ALKAL1: variants seen among roughly 807,000 people sequenced by gnomAD.
ALKAL1 encodes the protein AUG-beta.
A neutral mutation model predicts 13.5 loss-of-function variants in ALKAL1; 23 were observed. The observed-to-expected ratio is 1.70, with a 90% CI of 1.23 to 2.41. The LOEUF is 2.41. Ranked by LOEUF, ALKAL1 falls within the 30% of genes most tolerant of loss-of-function variation. The probability of loss-of-function intolerance (pLI) is 0.00; values close to 1 mark genes in which losing one functional copy is unlikely to be tolerated. For synonymous variants in ALKAL1, 85 were observed against 77.7 expected, an observed-to-expected ratio of 1.09 and a Z score of -0.49; for missense variants, 181 against 178.4, an observed-to-expected ratio of 1.01 and a Z score of -0.08.
intron 1 of ALKAL1, among the ~76,000 whole-genome samples, chr8:52,552,001 C>A (rs1196646685): frequency 1.3e-5 from 2 of 152,276 alleles, no homozygotes; most frequent in African/African-American, 4.8e-5. Flanking sequence ...TACATTCTTA[C>A]TCACTAAAGT....
At chr8:52,552,721 G>T (rs1040796641) in intron 1 of ALKAL1, among the ~76,000 whole-genome samples, 2 of 152,126 alleles carry the variant, frequency 1.3e-5, no homozygotes, top group Non-Finnish European at 2.9e-5. Context: ...CTTTGATTCT[G>T]TCATTAGTAA....
At chr8:52,536,175 G>A (rs1259638477) in intron 4 of ALKAL1, among the ~76,000 whole-genome samples, 3 of 152,178 alleles carry the variant, frequency 2.0e-5, no homozygotes, top group South Asian at 2.1e-4. Context: ...CTGACTTCAA[G>A]TGATCCACCC....
chr8:52,556,646 C>CAAAAAAAAAA (rs59483863), intron 1 of ALKAL1, among the ~76,000 whole-genome samples: 4 of 51,372 alleles, frequency 7.8e-5, no homozygotes, highest in Non-Finnish European at 1.4e-4. Context: ...AACTCTGTCT[C>CAAAAAAAAAA]AAAAAAAAAA....
chr8:52,547,361 G>A (rs754605180), intron 1 of ALKAL1, among the ~76,000 whole-genome samples: 22 of 152,150 alleles, frequency 1.4e-4, no homozygotes, highest in Non-Finnish European at 2.8e-4. Flanking sequence ...TTAGCCTAGC[G>A]TGGTAGCGTG....
rs190901983 is a variant in ALKAL1, at chr8:52,561,132, T to A, written c.190+3935A>T. ...CAGGTGATATGCAAAGCAGCAAAAATTTTTTATTATTTATGTGAAATAAAT... is the reference window on the plus strand; with the variant it reads ...CAGGTGATATGCAAAGCAGCAAAAAATTTTTATTATTTATGTGAAATAAAT... On this transcript the variant is annotated intron_variant, in intron 1 of 4. Transcript: ENST00000358543. Among the ~76,000 whole-genome samples, 883 of 152,156 alleles carry A rather than the reference T, an allele frequency of 5.8e-3. 10 individuals carry two copies. Among genetic ancestry groups the A allele is most frequent in the Middle Eastern group, 0.024 (7 of 294 alleles).
At chr8:52,552,705 G>A (rs1264044999) in intron 1 of ALKAL1, among the ~76,000 whole-genome samples, 1 of 152,190 alleles carries the variant, frequency 6.6e-6, no homozygotes, top group Non-Finnish European at 1.5e-5. Flanking sequence ...CTTGGCTCCT[G>A]TGTTCCTTTG....
intron 1 of ALKAL1, among the ~76,000 whole-genome samples, chr8:52,546,338 T>C (rs1461906148): frequency 6.6e-6 from 1 of 152,238 alleles, no homozygotes; most frequent in East Asian, 1.9e-4. Flanking sequence ...AACTGAGTAG[T>C]TGTTGCACAG....
At chr8:52,554,752 T>C (rs1173334829) in intron 1 of ALKAL1, among the ~76,000 whole-genome samples, 1 of 151,972 alleles carries the variant, frequency 6.6e-6, no homozygotes, top group Non-Finnish European at 1.5e-5. Flanking sequence ...GAAGAGATGT[T>C]TGGAGAGAGA....
Position 52,565,318 on chromosome 8 carries a change from G to C in ALKAL1, c.-62C>G. The C allele has an allele frequency of 8.1e-7, 1 of 1,232,468 alleles. No homozygotes were observed. The highest frequency in any genetic ancestry group is 1.6e-5 in the African/African-American group (1 of 63,854). 76.3% of individuals were successfully genotyped at this position (1,232,468 alleles called of 1,614,324 possible). A position where few individuals can be genotyped will look rare whatever the true frequency, so the allele number is the denominator to read the frequency against. On this transcript the variant is annotated 5_prime_UTR_variant, in exon 1 of 5. Transcript: ENST00000358543. ...GAGGATCCCGACGCAGGTCCGGAGG[G>C]TGCGCGGCCCAAGAGAAGGCCAGCG...
intron 1 of ALKAL1, among the ~76,000 whole-genome samples, chr8:52,562,489 T>C (rs930357248): frequency 6.6e-6 from 1 of 152,026 alleles, no homozygotes. Flanking sequence ...GGACGGTGAA[T>C]CAGGAGTGTT....
intron 1 of ALKAL1, among the ~76,000 whole-genome samples, chr8:52,544,307 T>C (rs1351331472): frequency 1.3e-5 from 2 of 151,678 alleles, no homozygotes; most frequent in African/African-American, 2.4e-5. Context: ...GTACAACAGA[T>C]TGATTTAGCT....
chr8:52,539,760 T>C (rs1847294705), intron 3 of ALKAL1, 71 bp downstream of exon 3: 3 of 1,155,978 alleles, frequency 2.6e-6, no homozygotes, highest in Non-Finnish European at 2.5e-6. Flanking sequence ...CCCACAGACA[T>C]TTGAAGTTTA....
intron 1 of ALKAL1, among the ~76,000 whole-genome samples, chr8:52,560,271 T>C (rs1314323392): frequency 1.3e-5 from 2 of 152,210 alleles, no homozygotes; most frequent in South Asian, 4.1e-4. Flanking sequence ...CTTTCACGTA[T>C]GATATAAATA....
intron 4 of ALKAL1, among the ~76,000 whole-genome samples, chr8:52,537,469 C>T (rs1847275227): frequency 6.6e-6 from 1 of 152,152 alleles, no homozygotes; most frequent in Admixed American, 6.5e-5. Flanking sequence ...AATCCCACTA[C>T]TGGGTATTTA....
At chr8:52,545,472 C>T (rs1251292366) in intron 1 of ALKAL1, among the ~76,000 whole-genome samples, 1 of 152,220 alleles carries the variant, frequency 6.6e-6, no homozygotes, top group Middle Eastern at 3.4e-3. Context: ...TGTCTCTTAT[C>T]TACTTTTGAC....
intron 4 of ALKAL1, among the ~76,000 whole-genome samples, chr8:52,534,939 A>C (rs1170657940): frequency 6.6e-6 from 1 of 152,224 alleles, no homozygotes; most frequent in South Asian, 2.1e-4. Flanking sequence ...AATAATTCAA[A>C]ACAGATACTA....
intron 1 of ALKAL1, among the ~76,000 whole-genome samples, chr8:52,543,915 A>G (rs1055155699): frequency 1.3e-5 from 2 of 152,218 alleles, no homozygotes; most frequent in Non-Finnish European, 2.9e-5. Context: ...CCCTGTGACA[A>G]TGATGACACT....
chr8:52,565,025 C>T, intron 1 of ALKAL1, 42 bp downstream of exon 1: 1 of 1,323,310 alleles, frequency 7.6e-7, no homozygotes, highest in Non-Finnish European at 9.7e-7. Flanking sequence ...CACGGAGCCC[C>T]AGGCGCAGGG....
intron 1 of ALKAL1, among the ~76,000 whole-genome samples, chr8:52,553,920 TC>T: frequency 6.6e-6 from 1 of 152,126 alleles, no homozygotes; most frequent in Non-Finnish European, 1.5e-5. Flanking sequence ...TAAACGAGAT[TC>T]TTATAAAAAT....
Sources: allele counts gnomAD v4.1 joint callset (sites outside exome capture counted in the v4.1 genomes callset), GRCh38; gene constraint gnomAD v4.1.1; transcripts MANE v1.5; gene names NCBI Gene and HGNC (gene_info 2026-07-23, HGNC 2026-07-21).